The following NPFFR2 variants were observed in gnomAD, a reference collection of about 807,000 sequenced individuals.
The protein encoded by NPFFR2 is neuropeptide FF receptor 2.
NPFFR2 carries 15 observed loss-of-function variants against 13.1 expected under a neutral mutation model. The ratio of observed to expected loss-of-function variants is 1.15; its 90% CI spans 0.77 to 1.76. NPFFR2 has a LOEUF of 1.76. NPFFR2 is among the 40% of genes most tolerant of loss of function. The pLI, the probability that NPFFR2 is intolerant of heterozygous loss-of-function variation, is 0.00. For missense variants in NPFFR2, 572 were observed against 503.5 expected (o/e 1.14, Z -1.30); for synonymous variants, 190 against 175.7 (o/e 1.08, Z -0.65).
chr4:72,123,952 T>C (rs1039572040), intron 1 of NPFFR2, among the ~76,000 whole-genome samples: 5 of 152,136 alleles, frequency 3.3e-5, no homozygotes, highest in African/African-American at 1.2e-4. Context: ...TGTATTCAAT[T>C]AGGAAAGGAG....
intron 1 of NPFFR2, among the ~76,000 whole-genome samples, chr4:72,037,302 G>A (rs1190599154): frequency 2.0e-5 from 3 of 151,308 alleles, no homozygotes; most frequent in Non-Finnish European, 4.4e-5. Flanking sequence ...GGAAGTTAAG[G>A]TTAAGGTGGG....
At chr4:72,143,967 C>G (rs760548436) in intron 3 of NPFFR2, among the ~76,000 whole-genome samples, 9 of 152,136 alleles carry the variant, frequency 5.9e-5, no homozygotes, top group Non-Finnish European at 1.3e-4. Flanking sequence ...AATGACTTCT[C>G]TATACTTTCA....
rs1353703592 is a variant in NPFFR2, at chr4:72,032,092, G to A, written c.-116G>A. On this transcript the variant is annotated 5_prime_UTR_variant, in exon 1 of 4. Coordinates refer to ENST00000308744, the MANE Select transcript of NPFFR2 (RefSeq NM_004885.3). ...GGGGACAGACGTCGGCTGGGATTGAGCCGGCAGACTGCGAAAAGTAGCTGG... is the reference window on the plus strand; with the variant it reads ...GGGGACAGACGTCGGCTGGGATTGAACCGGCAGACTGCGAAAAGTAGCTGG... 1.2e-6 allele frequency: 2 copies of A among 1,614,122 alleles called. No homozygotes were observed. The highest frequency in any genetic ancestry group is 1.7e-6 in the Non-Finnish European group (2 of 1,179,964).
rs532684249 is a variant in NPFFR2, at chr4:72,056,773, T to G, written c.-8+24573T>G. The stretch of plus-strand genomic sequence containing the variant: ...GATCTTCAGGGATGATTTTGAGAAG[T>G]TGAAGACTTCAGTGGAGGAAGTAAC... On this transcript the variant is annotated intron_variant, in intron 1 of 3. Coordinates refer to ENST00000308744, the MANE Select transcript of NPFFR2 (RefSeq NM_004885.3). 2.9e-4 allele frequency among the ~76,000 whole-genome samples: 44 copies of G among 152,102 alleles called. 2 individuals carry two copies. The South Asian group carries it at 9.1e-3, about 32-fold the overall frequency.
chr4:72,061,141 T>C (rs2109774659), intron 1 of NPFFR2, among the ~76,000 whole-genome samples: 1 of 152,272 alleles, frequency 6.6e-6, no homozygotes, highest in East Asian at 1.9e-4. Flanking sequence ...GTGGAACCAG[T>C]GTCTTCACTG....
chr4:72,051,556 T>C (rs1204361562), intron 1 of NPFFR2, among the ~76,000 whole-genome samples: 8 of 150,012 alleles, frequency 5.3e-5, no homozygotes, highest in East Asian at 2.0e-4. Flanking sequence ...AGATCCAAAA[T>C]TGACACCCTA....
At chr4:72,064,406 C>G (rs1318139416) in intron 1 of NPFFR2, among the ~76,000 whole-genome samples, 1 of 152,190 alleles carries the variant, frequency 6.6e-6, no homozygotes, top group Non-Finnish European at 1.5e-5. Flanking sequence ...CTGCCACCCT[C>G]CGTAGGCAGT....
At chr4:72,038,305 G>A (rs1719096102) in intron 1 of NPFFR2, among the ~76,000 whole-genome samples, 1 of 152,096 alleles carries the variant, frequency 6.6e-6, no homozygotes, top group South Asian at 2.1e-4. Context: ...ACTTATTAAT[G>A]ATTTTATTCC....
intron 1 of NPFFR2, among the ~76,000 whole-genome samples, chr4:72,120,195 G>T (rs1176845766): frequency 1.3e-5 from 2 of 152,182 alleles, no homozygotes; most frequent in Non-Finnish European, 2.9e-5. Flanking sequence ...AGCCACAGTA[G>T]CCAGACTACC....
At chr4:72,080,750 T>A (rs184267217) in intron 1 of NPFFR2, among the ~76,000 whole-genome samples, 1,990 of 152,092 alleles carry the variant, frequency 0.013, 54 homozygotes, top group African/African-American at 0.045. Flanking sequence ...AGAGAGGAAA[T>A]CCCATATTAG....
intron 1 of NPFFR2, among the ~76,000 whole-genome samples, chr4:72,103,069 T>G (rs928888161): frequency 6.6e-6 from 1 of 152,168 alleles, no homozygotes; most frequent in African/African-American, 2.4e-5. Flanking sequence ...CCATTCTAAC[T>G]GGTGTGAGAT....
chr4:72,037,499 C>T (rs1719073638), intron 1 of NPFFR2, among the ~76,000 whole-genome samples: 1 of 151,482 alleles, frequency 6.6e-6, no homozygotes, highest in Non-Finnish European at 1.5e-5. Context: ...TGATAATAAA[C>T]TGAATGTGGG....
At chr4:72,123,815 TA>T (rs1721961937) in intron 1 of NPFFR2, among the ~76,000 whole-genome samples, 1 of 152,212 alleles carries the variant, frequency 6.6e-6, no homozygotes. Context: ...TCATACTGAA[TA>T]GGCAAAAACT....
chr4:72,048,048 G>T (rs1336515696), intron 1 of NPFFR2, among the ~76,000 whole-genome samples: 4 of 152,086 alleles, frequency 2.6e-5, no homozygotes, highest in African/African-American at 9.6e-5. Context: ...ATCATATTAT[G>T]TGTGTATGTA....
chr4:72,050,111 T>G (rs772705863), intron 1 of NPFFR2, among the ~76,000 whole-genome samples: 12 of 152,048 alleles, frequency 7.9e-5, no homozygotes, highest in Non-Finnish European at 1.6e-4. Context: ...ATCATGCCTA[T>G]GTAATGAATA....
chr4:72,077,030 C>T (rs540980312), intron 1 of NPFFR2, among the ~76,000 whole-genome samples: 3 of 152,202 alleles, frequency 2.0e-5, no homozygotes, highest in Admixed American at 2.0e-4. Flanking sequence ...TTATTTTCCT[C>T]CAAATGAGAA....
At chr4:72,102,833 C>T (rs1054048342) in intron 1 of NPFFR2, among the ~76,000 whole-genome samples, 4 of 152,016 alleles carry the variant, frequency 2.6e-5, no homozygotes, top group African/African-American at 9.7e-5. Context: ...AGGAAACATA[C>T]GTATGCATTT....
intron 1 of NPFFR2, among the ~76,000 whole-genome samples, chr4:72,053,003 G>A (rs1719634479): frequency 6.6e-6 from 1 of 151,754 alleles, no homozygotes; most frequent in Non-Finnish European, 1.5e-5. Flanking sequence ...GGACCAGCCA[G>A]TGTACATCTT....
intron 1 of NPFFR2, among the ~76,000 whole-genome samples, chr4:72,034,214 C>A (rs1718990305): frequency 6.6e-6 from 1 of 152,128 alleles, no homozygotes; most frequent in Admixed American, 6.5e-5. Context: ...TAAAACACAT[C>A]TGGATTAGTC....
Sources: allele counts gnomAD v4.1 joint callset (sites outside exome capture counted in the v4.1 genomes callset), GRCh38; gene constraint gnomAD v4.1.1; transcripts MANE v1.5; gene names NCBI Gene and HGNC (gene_info 2026-07-23, HGNC 2026-07-21).